The following PELI2 variants were observed in gnomAD, a reference collection of about 807,000 sequenced individuals.
The protein encoded by PELI2 is E3 ubiquitin-protein ligase pellino homolog 2.
A neutral mutation model predicts 42.3 loss-of-function variants in PELI2; 23 were observed. The ratio of observed to expected loss-of-function variants is 0.54; its 90% CI spans 0.39 to 0.77. PELI2 has a LOEUF of 0.77. PELI2 is among the 30% of genes least tolerant of loss of function. PELI2 has a pLI of 0.00. For synonymous variants in PELI2, 245 were observed against 212.2 expected (o/e 1.15, Z -1.34); for missense variants, 463 against 553.2 (o/e 0.84, Z 1.64).
intron 3 of PELI2, among the ~76,000 whole-genome samples, chr14:56,283,169 C>T (rs987259761): frequency 2.0e-5 from 3 of 152,128 alleles, no homozygotes; most frequent in African/African-American, 2.4e-5. Flanking sequence ...CAGTCACATT[C>T]GACTCACATG....
In PELI2 at chr14:56,290,794, G is replaced by A. The variant is rs1889803656; in HGVS notation, c.696+338G>A. ...TTTTAGTGTAAAACTTTATTGATTT[G>A]GAAAACGTTTGAGCAGTCCAAAAAC... On this transcript the variant is annotated intron_variant, in intron 5 of 5. Coordinates refer to ENST00000267460, the MANE Select transcript of PELI2 (RefSeq NM_021255.3). Among the ~76,000 whole-genome samples the A allele has an allele frequency of 1.3e-5, 2 of 152,026 alleles. 1 individual carries two copies. The highest frequency in any genetic ancestry group is 1.3e-4 in the Admixed American group (2 of 15,250).
intron 4 of PELI2, 44 bp from the exon 5 acceptor site, chr14:56,290,224 C>T (rs777344708): frequency 1.4e-6 from 2 of 1,409,138 alleles, no homozygotes; most frequent in Non-Finnish European, 1.9e-6. Context: ...TCCATTTCAA[C>T]ATCATCTTAA....
Position 56,141,022 on chromosome 14 carries a change from C to T in PELI2, c.77+22285C>T, listed in dbSNP as rs10130797. 3.4e-3 allele frequency among the ~76,000 whole-genome samples: 525 copies of T among 152,234 alleles called. 4 individuals carry two copies. Among genetic ancestry groups the T allele is most frequent in the African/African-American group, 0.011 (456 of 41,522 alleles). On this transcript the variant is annotated intron_variant, in intron 1 of 5. Coordinates refer to ENST00000267460, the MANE Select transcript of PELI2 (RefSeq NM_021255.3). ...CTGTCTGCTGAGGAAAGCATTAGTT[C>T]AGGAGTATAAAAATAGTCGTTTTGT...
At chr14:56,157,366 C>T (rs1408413024) in intron 1 of PELI2, among the ~76,000 whole-genome samples, 1 of 152,048 alleles carries the variant, frequency 6.6e-6, no homozygotes, top group African/African-American at 2.4e-5. Flanking sequence ...TCTCATGGTT[C>T]AGCTATTAGT....
At chr14:56,167,676 G>A (rs1047753221) in intron 1 of PELI2, among the ~76,000 whole-genome samples, 1 of 152,160 alleles carries the variant, frequency 6.6e-6, no homozygotes, top group Non-Finnish European at 1.5e-5. Flanking sequence ...GGTCCCTGGT[G>A]CCTTATTTAG....
rs557307857 is a variant in PELI2 at position 56,284,615 on chromosome 14, T to C, written c.310-3822T>C. ...TTTAGATGATAACATTTAATTAGTA[T>C]CTATTAAGTTAAGAGGAAAATATTA... On this transcript the variant is annotated intron_variant, in intron 3 of 5. Transcript: ENST00000267460. 2.7e-5 allele frequency among the ~76,000 whole-genome samples: 4 copies of C among 147,562 alleles called. No individual in the cohort carries two copies. In the South Asian group the frequency reaches 9.6e-4, roughly 35 times the overall value.
At chr14:56,199,198 C>T (rs1194269947) in intron 2 of PELI2, among the ~76,000 whole-genome samples, 1 of 152,148 alleles carries the variant, frequency 6.6e-6, no homozygotes, top group African/African-American at 2.4e-5. Context: ...CAAGGTCTTC[C>T]CCCATGAGAG....
At chr14:56,257,113 A>G (rs1055866351) in intron 2 of PELI2, among the ~76,000 whole-genome samples, 1 of 152,202 alleles carries the variant, frequency 6.6e-6, no homozygotes, top group African/African-American at 2.4e-5. Context: ...GATATTATTT[A>G]ACCAAAATTA....
At chr14:56,232,605 A>G (rs1176083821) in intron 2 of PELI2, among the ~76,000 whole-genome samples, 1 of 152,094 alleles carries the variant, frequency 6.6e-6, no homozygotes, top group Non-Finnish European at 1.5e-5. Context: ...AACGGGACAT[A>G]TCTCAAAATA....
intron 2 of PELI2, among the ~76,000 whole-genome samples, chr14:56,202,894 T>G (rs1206288947): frequency 6.6e-6 from 1 of 151,952 alleles, no homozygotes; most frequent in Non-Finnish European, 1.5e-5. Flanking sequence ...AGACCAAAAT[T>G]AAATAAAAAT....
chr14:56,193,520 G>T (rs1200890497), intron 2 of PELI2, among the ~76,000 whole-genome samples: 1 of 152,114 alleles, frequency 6.6e-6, no homozygotes, highest in African/African-American at 2.4e-5. Flanking sequence ...CTGACAATGG[G>T]AAAGGAAAAA....
chr14:56,119,128 C>G (rs920393456), intron 1 of PELI2: 1 of 148,622 alleles, frequency 6.7e-6, no homozygotes, highest in Non-Finnish European at 1.5e-5. Context: ...GCCGCGGTCG[C>G]GGGCGCTTCG....
intron 2 of PELI2, among the ~76,000 whole-genome samples, chr14:56,231,804 A>C (rs1001230822): frequency 1.3e-5 from 2 of 152,242 alleles, no homozygotes; most frequent in Non-Finnish European, 2.9e-5. Flanking sequence ...CCTTCAATAA[A>C]TCAGTGAATC....
At chr14:56,275,326 G>A (rs930550112) in intron 2 of PELI2, among the ~76,000 whole-genome samples, 4 of 152,124 alleles carry the variant, frequency 2.6e-5, no homozygotes, top group Non-Finnish European at 1.5e-5. Context: ...ATTTCTCCAC[G>A]GACCGGGGAG....
At chr14:56,215,801 G>A (rs191816757) in intron 2 of PELI2, among the ~76,000 whole-genome samples, 2 of 152,220 alleles carry the variant, frequency 1.3e-5, no homozygotes, top group African/African-American at 2.4e-5. Flanking sequence ...TGTCACCAGC[G>A]GTGTGGAATT....
chr14:56,182,500 G>A (rs1363846816), intron 2 of PELI2, among the ~76,000 whole-genome samples: 2 of 152,074 alleles, frequency 1.3e-5, no homozygotes, highest in Non-Finnish European at 2.9e-5. Context: ...ACATTACTAT[G>A]GAAAACTCTT....
chr14:56,127,022 T>C (rs1468484884), intron 1 of PELI2, among the ~76,000 whole-genome samples: 1 of 152,244 alleles, frequency 6.6e-6, no homozygotes, highest in East Asian at 1.9e-4. Flanking sequence ...TTCAGCCTTT[T>C]TGATGAGTTA....
At chr14:56,267,252 A>G (rs912270985) in intron 2 of PELI2, among the ~76,000 whole-genome samples, 6 of 152,164 alleles carry the variant, frequency 3.9e-5, no homozygotes, top group African/African-American at 1.4e-4. Context: ...ATTGGCTAAT[A>G]GTAATTATGT....
chr14:56,246,032 G>A (rs1028099958), intron 2 of PELI2, among the ~76,000 whole-genome samples: 1 of 152,128 alleles, frequency 6.6e-6, no homozygotes. Context: ...TAGACTTTTC[G>A]AACTGCAGAG....
Sources: allele counts gnomAD v4.1 joint callset (sites outside exome capture counted in the v4.1 genomes callset), GRCh38; gene constraint gnomAD v4.1.1; transcripts MANE v1.5; gene names NCBI Gene and HGNC (gene_info 2026-07-23, HGNC 2026-07-21).